PDE4D: variants seen among roughly 807,000 people sequenced by gnomAD.
The protein encoded by PDE4D is phosphodiesterase 4D.
PDE4D carries 24 observed loss-of-function variants against 87.4 expected under a neutral mutation model. That is an observed-to-expected ratio of 0.27 (90% CI 0.20 to 0.39). PDE4D has a LOEUF of 0.39. Among genes scored for constraint, PDE4D ranks in the 10% least tolerant of loss-of-function variants. PDE4D has a pLI of 1.00. For missense variants in PDE4D, 714 were observed against 1,041.0 expected, an observed-to-expected ratio of 0.69 and a Z score of 4.32; for synonymous variants, 384 against 383.2, an observed-to-expected ratio of 1.00 and a Z score of -0.02.
In PDE4D at chr5:60,250,783, G is replaced by C. The variant is rs554238473; in HGVS notation, c.-89-65096C>G. Among the ~76,000 whole-genome samples the C allele has an allele frequency of 5.6e-4, 85 of 151,908 alleles. 1 individual carries two copies. Among genetic ancestry groups the C allele is most frequent in the Non-Finnish European group, 2.9e-5 (2 of 67,912 alleles). The stretch of plus-strand genomic sequence containing the variant: ...CTTTTTATCATTACTTTAGAGTGTG[G>C]TCCTTCTACTTATTAAAAAAATAGT... On this transcript the variant is annotated intron_variant, in intron 1 of 16. Coordinates refer to the PDE4D transcript ENST00000502484.
chr5:60,144,221 C>G (rs531230986), intron 2 of PDE4D, among the ~76,000 whole-genome samples: 2 of 152,182 alleles, frequency 1.3e-5, no homozygotes, highest in Non-Finnish European at 2.9e-5. Context: ...CTCTGTTTCT[C>G]CATGTTTGCA....
chr5:59,948,405 A>T (rs1757931346), intron 3 of PDE4D, among the ~76,000 whole-genome samples: 1 of 152,240 alleles, frequency 6.6e-6, no homozygotes, highest in African/African-American at 2.4e-5. Flanking sequence ...TACTGCAGAA[A>T]TATAGTAGAA....
chr5:59,824,103 G>A (rs1770030104), intron 1 of PDE4D, among the ~76,000 whole-genome samples: 1 of 151,826 alleles, frequency 6.6e-6, no homozygotes, highest in Non-Finnish European at 1.5e-5. Flanking sequence ...AGAAAGGCAA[G>A]CCACCTATGT....
At chr5:59,546,321 G>T (rs553642099) in intron 1 of PDE4D, among the ~76,000 whole-genome samples, 2 of 152,010 alleles carry the variant, frequency 1.3e-5, no homozygotes, top group Non-Finnish European at 2.9e-5. Flanking sequence ...CCAAAAGTGC[G>T]TTGCGCTCAT....
chr5:60,344,837 C>T (rs1427926031), intron 1 of PDE4D, among the ~76,000 whole-genome samples: 1 of 152,062 alleles, frequency 6.6e-6, no homozygotes, highest in East Asian at 1.9e-4. Flanking sequence ...ATAGTTCATT[C>T]ACTATGTTCA....
At chr5:59,535,952 A>G (rs1815134026) in intron 1 of PDE4D, among the ~76,000 whole-genome samples, 1 of 152,208 alleles carries the variant, frequency 6.6e-6, no homozygotes, top group South Asian at 2.1e-4. Context: ...AAAGATCAGC[A>G]CATGTGTTGT....
chr5:59,986,204 G>A (rs1203758021), intron 3 of PDE4D, among the ~76,000 whole-genome samples: 2 of 152,170 alleles, frequency 1.3e-5, no homozygotes, highest in South Asian at 4.1e-4. Flanking sequence ...ACAGGCGCAT[G>A]CCACTACACC....
chr5:60,124,544 T>C (rs888568772), intron 2 of PDE4D, among the ~76,000 whole-genome samples: 5 of 152,132 alleles, frequency 3.3e-5, no homozygotes, highest in Admixed American at 2.6e-4. Context: ...GTGCCTGATA[T>C]CATCTCTTTT....
At chr5:59,255,522 T>C (rs1270136910) in intron 1 of PDE4D, among the ~76,000 whole-genome samples, 2 of 152,046 alleles carry the variant, frequency 1.3e-5, no homozygotes, top group African/African-American at 4.8e-5. Context: ...TTGGTGACGG[T>C]TGCAAAAGTG....
intron 5 of PDE4D, among the ~76,000 whole-genome samples, chr5:59,122,089 C>T (rs1289037591): frequency 2.3e-5 from 3 of 128,246 alleles, no homozygotes; most frequent in African/African-American, 8.9e-5. Context: ...TTGCAGTGAG[C>T]TGAGATGGCA....
intron 2 of PDE4D, among the ~76,000 whole-genome samples, chr5:60,035,602 C>T (rs1196395289): frequency 6.6e-6 from 1 of 151,918 alleles, no homozygotes; most frequent in Non-Finnish European, 1.5e-5. Flanking sequence ...ATTATGAAAC[C>T]CATATGATAG....
chr5:60,256,132 T>C (rs1749023106), intron 1 of PDE4D, among the ~76,000 whole-genome samples: 1 of 151,922 alleles, frequency 6.6e-6, no homozygotes, highest in African/African-American at 2.4e-5. Flanking sequence ...TTGAGAGTTA[T>C]CACCATCAGA....
At chr5:60,158,264 C>G (rs1782165628) in intron 2 of PDE4D, among the ~76,000 whole-genome samples, 1 of 152,174 alleles carries the variant, frequency 6.6e-6, no homozygotes, top group South Asian at 2.1e-4. Flanking sequence ...ATTGTATAGC[C>G]TGTTTCTCCT....
intron 1 of PDE4D, among the ~76,000 whole-genome samples, chr5:60,415,554 C>A (rs1439668647): frequency 6.6e-6 from 1 of 152,236 alleles, no homozygotes; most frequent in Non-Finnish European, 1.5e-5. Context: ...CTGGGAGCGG[C>A]AGGCCGGCCC....
chr5:59,982,706 T>C (rs1168037686), intron 3 of PDE4D, among the ~76,000 whole-genome samples: 1 of 152,200 alleles, frequency 6.6e-6, no homozygotes, highest in East Asian at 1.9e-4. Context: ...AGATACAGAC[T>C]TCTGAACAGA....
chr5:60,505,693 A>G (rs1750290546), intron 1 of PDE4D, among the ~76,000 whole-genome samples: 1 of 152,234 alleles, frequency 6.6e-6, no homozygotes, highest in Non-Finnish European at 1.5e-5. Context: ...CTTCAATTAC[A>G]AATACCTACT....
At chr5:60,024,718 G>A (rs896818458) in intron 2 of PDE4D, among the ~76,000 whole-genome samples, 6 of 152,150 alleles carry the variant, frequency 3.9e-5, no homozygotes, top group Admixed American at 1.3e-4. Flanking sequence ...TTTAAATCAC[G>A]GTGGAGATAC....
chr5:59,257,983 GA>G (rs1168366094), intron 1 of PDE4D, among the ~76,000 whole-genome samples: 3 of 151,912 alleles, frequency 2.0e-5, no homozygotes, highest in Non-Finnish European at 4.4e-5. Flanking sequence ...TTGTAGGTAG[GA>G]AACCCATCAT....
At chr5:59,909,165 C>A (rs945065749) in intron 3 of PDE4D, among the ~76,000 whole-genome samples, 7 of 152,152 alleles carry the variant, frequency 4.6e-5, no homozygotes, top group African/African-American at 1.7e-4. Context: ...TACCAACCAT[C>A]ACTTTCTTTT....
Sources: allele counts gnomAD v4.1 joint callset (sites outside exome capture counted in the v4.1 genomes callset), GRCh38; gene constraint gnomAD v4.1.1; transcripts MANE v1.5; gene names NCBI Gene and HGNC (gene_info 2026-07-23, HGNC 2026-07-21).